LRRTM4: variants seen among roughly 807,000 people sequenced by gnomAD.
LRRTM4 encodes leucine-rich repeat transmembrane neuronal protein 4.
A neutral mutation model predicts 47.6 loss-of-function variants in LRRTM4; 25 were observed. That is an observed-to-expected ratio of 0.53 (90% confidence interval 0.38 to 0.73). LRRTM4 has a LOEUF of 0.73. Among genes scored for constraint, LRRTM4 ranks in the 30% least tolerant of loss-of-function variants. The pLI, the probability that LRRTM4 is intolerant of heterozygous loss-of-function variation, is 0.00. For missense variants in LRRTM4, 638 were observed against 713.4 expected (o/e 0.89, Z 1.20); for synonymous variants, 311 against 269.5 (o/e 1.15, Z -1.51).
intron 3 of LRRTM4, among the ~76,000 whole-genome samples, chr2:76,974,207 T>TACAC (rs1390127604): frequency 1.8e-4 from 15 of 83,004 alleles, no homozygotes; most frequent in South Asian, 2.8e-4. Flanking sequence ...CATATATATA[T>TACAC]ATACACATAT....
chr2:77,478,590 G>T (rs1677527688), intron 3 of LRRTM4, among the ~76,000 whole-genome samples: 1 of 152,160 alleles, frequency 6.6e-6, no homozygotes. Context: ...ACAAGCTCCT[G>T]TTGGTTGAGA....
At chr2:76,875,498 A>G (rs1672752062) in intron 3 of LRRTM4, among the ~76,000 whole-genome samples, 1 of 152,142 alleles carries the variant, frequency 6.6e-6, no homozygotes, top group Non-Finnish European at 1.5e-5. Context: ...AAATGAATGA[A>G]TTGAGTAAAT....
chr2:76,825,828 G>A (rs1423280982), intron 3 of LRRTM4, among the ~76,000 whole-genome samples: 1 of 151,612 alleles, frequency 6.6e-6, no homozygotes, highest in African/African-American at 2.4e-5. Flanking sequence ...AAGGGAAAGT[G>A]CTGGAAAAGA....
At chr2:77,009,876 C>T (rs949043198) in intron 3 of LRRTM4, 3 of 151,858 alleles carry the variant, frequency 2.0e-5, no homozygotes, top group African/African-American at 7.3e-5. Context: ...CTTCAAGTCA[C>T]TATCATATTA....
At chr2:76,857,873 A>G (rs76933346) in intron 3 of LRRTM4, among the ~76,000 whole-genome samples, 4,746 of 152,238 alleles carry the variant, frequency 0.031, 233 homozygotes, top group African/African-American at 0.11. Flanking sequence ...CAATGAAGAA[A>G]TACTTACTTT....
intron 3 of LRRTM4, among the ~76,000 whole-genome samples, chr2:77,047,245 ATTG>A (rs1679264420): frequency 6.6e-6 from 1 of 151,858 alleles, no homozygotes. Flanking sequence ...GGCACAGCTT[ATTG>A]TTGTGGATAT....
chr2:76,902,548 A>C (rs1384357369), intron 3 of LRRTM4, among the ~76,000 whole-genome samples: 1 of 152,196 alleles, frequency 6.6e-6, no homozygotes, highest in African/African-American at 2.4e-5. Flanking sequence ...AATGTTAGAA[A>C]TTTGGGGGAT....
intron 3 of LRRTM4, among the ~76,000 whole-genome samples, chr2:77,362,142 A>AAAGAAAGAAAGT (rs1672252253): frequency 7.3e-6 from 1 of 137,912 alleles, no homozygotes; most frequent in African/African-American, 3.2e-5. Flanking sequence ...AGAAAGAAAG[A>AAAGAAAGAAAGT]AAGAAAGAAA....
At position 77,108,517 on chromosome 2, in the gene LRRTM4, T is replaced by C. The variant is rs560208315; in HGVS notation, c.1552-359601A>G. Among the ~76,000 whole-genome samples, 422 of 152,076 alleles carry C rather than the reference T, an allele frequency of 2.8e-3. 1 individual carries two copies. The highest frequency in any genetic ancestry group is 9.9e-3 in the African/African-American group (411 of 41,538). ...TTAATTTCTTAAATAACTTCTTCAG[T>C]TGTATTATTGTGTTCTATTTTAAGA... On this transcript the variant is annotated intron_variant, in intron 3 of 3. Transcript: ENST00000409884.
At chr2:76,982,745 ATAAT>A (rs1288224908) in intron 3 of LRRTM4, among the ~76,000 whole-genome samples, 3 of 152,090 alleles carry the variant, frequency 2.0e-5, no homozygotes. Context: ...AAATACCAGG[ATAAT>A]TAATAAAAGC....
At chr2:76,876,142 A>T (rs900777032) in intron 3 of LRRTM4, among the ~76,000 whole-genome samples, 1 of 152,158 alleles carries the variant, frequency 6.6e-6, no homozygotes, top group Non-Finnish European at 1.5e-5. Context: ...AGTATGCCTA[A>T]CGATTTTAGA....
At chr2:77,407,725 A>G (rs1674269535) in intron 3 of LRRTM4, among the ~76,000 whole-genome samples, 1 of 141,188 alleles carries the variant, frequency 7.1e-6, no homozygotes, top group Non-Finnish European at 1.5e-5. Context: ...ATATTATATT[A>G]TATATTATAT....
intron 3 of LRRTM4, among the ~76,000 whole-genome samples, chr2:76,942,676 C>CTGTGTGTGTGTGTGTGTGTGTGTGTGTG (rs61077287): frequency 1.3e-4 from 19 of 148,316 alleles, no homozygotes; most frequent in Admixed American, 1.1e-3. Flanking sequence ...CTCTAGGAAT[C>CTGTGTGTGTGTGTGTGTGTGTGTGTGTG]TGTGTGTGTG....
At position 77,289,372 on chromosome 2, in the gene LRRTM4, ATTGTACCCTTCATTAAC is replaced by A. The variant is rs146458689; in HGVS notation, c.1551+228929_1551+228945del. On this transcript the variant is annotated intron_variant, in intron 3 of 3. Transcript: ENST00000409884. ...GAGTACAGAAGCAGTTTTTTAAGTG[ATTGTACCCTTCATTAAC>A]TACATGTTTATACTTGAATTGAAAC... Among the ~76,000 whole-genome samples the A allele has an allele frequency of 3.9e-3, 586 of 152,118 alleles. 1 individual carries two copies. The highest frequency in any genetic ancestry group is 0.013 in the African/African-American group (558 of 41,538).
At chr2:77,376,984 T>G (rs1672864966) in intron 3 of LRRTM4, among the ~76,000 whole-genome samples, 1 of 151,968 alleles carries the variant, frequency 6.6e-6, no homozygotes, top group African/African-American at 2.4e-5. Flanking sequence ...TTATATTTAT[T>G]TATTCAATCA....
chr2:77,241,249 G>A (rs1675255752), intron 3 of LRRTM4, among the ~76,000 whole-genome samples: 1 of 142,600 alleles, frequency 7.0e-6, no homozygotes, highest in South Asian at 2.2e-4. Flanking sequence ...CACACACATG[G>A]GTCTAGAAAC....
In LRRTM4 at chr2:76,775,359, C is replaced by T. The variant is rs368032990; in HGVS notation, c.1552-26443G>A. 8.1e-4 allele frequency among the ~76,000 whole-genome samples: 123 copies of T among 151,962 alleles called. 1 individual carries two copies. Among genetic ancestry groups the T allele is most frequent in the African/African-American group, 2.0e-3 (82 of 41,292 alleles). On this transcript the variant is annotated intron_variant, in intron 3 of 3. Transcript: ENST00000409884. ...TGAAAGGTCCTTATGATCCCCTGAT[C>T]TAGAGATTGAATCAGAAATGCATTT...
chr2:77,443,275 T>C (rs1278846314), intron 3 of LRRTM4, among the ~76,000 whole-genome samples: 1 of 152,124 alleles, frequency 6.6e-6, no homozygotes, highest in Admixed American at 6.6e-5. Flanking sequence ...AGCTTATAAA[T>C]GATGACTTGC....
chr2:76,790,796 C>G (rs1003525573), intron 3 of LRRTM4, among the ~76,000 whole-genome samples: 4 of 151,828 alleles, frequency 2.6e-5, no homozygotes, highest in African/African-American at 9.7e-5. Context: ...TATAATTTCA[C>G]TGTTTCTGCC....
Sources: gnomAD v4.1 joint callset for allele counts (sites outside exome capture counted in the v4.1 genomes callset) on GRCh38, gnomAD v4.1.1 for gene constraint, MANE v1.5 for transcripts, NCBI Gene and HGNC (gene_info 2026-07-23, HGNC 2026-07-21) for gene names.